Variants in IPO11 observed in about 807,000 individuals in gnomAD.
The protein encoded by IPO11 is importin-11.
Under a neutral mutation model 143.2 loss-of-function variants are expected in IPO11, and 66 were observed. That is an observed-to-expected ratio of 0.46 (90% CI 0.38 to 0.57). The LOEUF (loss-of-function observed/expected upper bound fraction) is 0.57, where lower values mean the gene tolerates loss of function less well. IPO11 is among the 20% of genes least tolerant of loss of function. IPO11 has a pLI of 0.00. For synonymous variants in IPO11, 385 were observed against 377.8 expected (o/e 1.02, Z -0.22); for missense variants, 1,026 against 1,141.0 (o/e 0.90, Z 1.45).
At chr5:62,565,573 A>T (rs1561365212) in intron 27 of IPO11, among the ~76,000 whole-genome samples, 1 of 152,182 alleles carries the variant, frequency 6.6e-6, no homozygotes, top group Non-Finnish European at 1.5e-5. Context: ...ACTCTTCATC[A>T]TTCCCCCACA....
intron 29 of IPO11, 47 bp downstream of exon 29, chr5:62,601,895 A>C (rs747802550): frequency 1.7e-6 from 2 of 1,188,506 alleles, no homozygotes; most frequent in Non-Finnish European, 2.4e-6. Context: ...ATATATTATC[A>C]TTTTCTGTAG....
At chr5:62,468,830 A>G (rs1194545715) in intron 6 of IPO11, among the ~76,000 whole-genome samples, 4 of 152,198 alleles carry the variant, frequency 2.6e-5, no homozygotes, top group African/African-American at 9.7e-5. Flanking sequence ...TTTGTTCTGT[A>G]ACTATACATT....
intron 26 of IPO11, among the ~76,000 whole-genome samples, chr5:62,552,496 G>A (rs1399983056): frequency 6.8e-6 from 1 of 146,976 alleles, no homozygotes; most frequent in Non-Finnish European, 1.5e-5. Flanking sequence ...TTTTAAAGTA[G>A]AGATGAGGTC....
intron 27 of IPO11, among the ~76,000 whole-genome samples, chr5:62,591,003 T>C (rs1426917991): frequency 6.6e-6 from 1 of 152,172 alleles, no homozygotes; most frequent in Non-Finnish European, 1.5e-5. Context: ...TGTGATCATA[T>C]TGCACTGCAG....
chr5:62,600,928 G>T (rs972142023), intron 28 of IPO11, among the ~76,000 whole-genome samples: 5 of 152,212 alleles, frequency 3.3e-5, no homozygotes, highest in Non-Finnish European at 7.3e-5. Context: ...AAGTTTTCTG[G>T]TATCCGCACC....
intron 28 of IPO11, 49 bp from the exon 29 acceptor site, chr5:62,601,715 T>A: frequency 1.0e-6 from 1 of 978,540 alleles, no homozygotes; most frequent in Non-Finnish European, 1.5e-6. Context: ...TTTTTAAGTG[T>A]ATTATAGACA....
At chr5:62,463,784 A>G (rs931316520) in intron 5 of IPO11, among the ~76,000 whole-genome samples, 1 of 151,896 alleles carries the variant, frequency 6.6e-6, no homozygotes, top group African/African-American at 2.4e-5. Context: ...AGCATAGAAG[A>G]TAATATATAC....
At chr5:62,424,123 A>G (rs1357278796) in intron 1 of IPO11, among the ~76,000 whole-genome samples, 2 of 146,072 alleles carry the variant, frequency 1.4e-5, no homozygotes, top group Non-Finnish European at 3.0e-5. Context: ...GGCTCAAGTC[A>G]TCCTCCCACC....
chr5:62,586,168 A>T (rs1744764398), intron 27 of IPO11, among the ~76,000 whole-genome samples: 1 of 152,236 alleles, frequency 6.6e-6, no homozygotes, highest in African/African-American at 2.4e-5. Flanking sequence ...GTAATACATT[A>T]TTATTAGAAA....
chr5:62,469,186 G>A (rs1379345011), intron 6 of IPO11, among the ~76,000 whole-genome samples: 3 of 152,144 alleles, frequency 2.0e-5, no homozygotes, highest in Non-Finnish European at 4.4e-5. Context: ...CAGGTATTGT[G>A]GCTCAAGGTC....
intron 29 of IPO11, among the ~76,000 whole-genome samples, chr5:62,604,283 T>G (rs6897129): frequency 6.6e-6 from 1 of 152,000 alleles, no homozygotes; most frequent in African/African-American, 2.4e-5. Flanking sequence ...ATCTCGGCTC[T>G]CTGCAACCTC....
intron 26 of IPO11, among the ~76,000 whole-genome samples, chr5:62,559,448 A>G (rs74522841): frequency 0.092 from 13,985 of 152,032 alleles, 655 homozygotes; most frequent in South Asian, 0.15. Flanking sequence ...TCACAATTGG[A>G]GTCAATCCTC....
intron 1 of IPO11, among the ~76,000 whole-genome samples, chr5:62,417,185 A>G (rs1412949800): frequency 6.6e-6 from 1 of 150,816 alleles, no homozygotes; most frequent in East Asian, 1.9e-4. Flanking sequence ...CTCAAACTTC[A>G]GGGCTCAAGT....
chr5:62,612,806 C>G (rs1251976169), intron 29 of IPO11, among the ~76,000 whole-genome samples: 2 of 152,176 alleles, frequency 1.3e-5, no homozygotes, highest in East Asian at 3.8e-4. Context: ...AAATGAGAAA[C>G]TACTCTTGAA....
In IPO11 at chr5:62,476,742, T is replaced by C. The variant is rs113619611; in HGVS notation, c.817T>C (p.Phe273Leu). 288 of 1,521,326 alleles carry C rather than the reference T, an allele frequency of 1.9e-4. 5 individuals are homozygous for C. In the African/African-American group the frequency reaches 3.3e-3, roughly 17 times the overall value. 94.2% of individuals were successfully genotyped at this position (1,521,326 alleles called of 1,614,324 possible). ...RDRLEKTIIL[F>L]TKVLLDFLDQ... is the part of the protein sequence containing the mutation. ...TAGACTGGAAAAGACCATCATTCTTTTTACTAAAGTGGTAAGTTTTTTAAA... is the reference window on the plus strand; with the variant it reads ...TAGACTGGAAAAGACCATCATTCTTCTTACTAAAGTGGTAAGTTTTTTAAA... Residue 273 changes from phenylalanine (F) to leucine (L), a missense_variant, in exon 9 of 30, where the codon TTT becomes CTT. Phe to Leu is a conservative substitution (Grantham distance 22). Coordinates refer to ENST00000325324, the MANE Select transcript of IPO11 (RefSeq NM_016338.5).
At chr5:62,546,784 A>G (rs1743213238) in intron 24 of IPO11, among the ~76,000 whole-genome samples, 1 of 152,174 alleles carries the variant, frequency 6.6e-6, no homozygotes, top group Non-Finnish European at 1.5e-5. Context: ...CATTCCATTA[A>G]AAAGAAATGA....
chr5:62,587,279 A>C (rs1744831692), intron 27 of IPO11, among the ~76,000 whole-genome samples: 1 of 152,256 alleles, frequency 6.6e-6, no homozygotes, highest in Non-Finnish European at 1.5e-5. Flanking sequence ...GAATGCAAAA[A>C]AAATTCAACT....
chr5:62,420,416 A>G (rs1365218601), intron 1 of IPO11, among the ~76,000 whole-genome samples: 1 of 152,118 alleles, frequency 6.6e-6, no homozygotes, highest in African/African-American at 2.4e-5. Flanking sequence ...TACAAATGGC[A>G]GTGCAGTAGG....
At chr5:62,446,142 G>C (rs1744709729) in intron 3 of IPO11, among the ~76,000 whole-genome samples, 1 of 152,128 alleles carries the variant, frequency 6.6e-6, no homozygotes, top group African/African-American at 2.4e-5. Context: ...CTTTGAGTAA[G>C]TCATTAAGGT....
Sources: allele counts gnomAD v4.1 joint callset (sites outside exome capture counted in the v4.1 genomes callset), GRCh38; gene constraint gnomAD v4.1.1; transcripts MANE v1.5; gene names NCBI Gene and HGNC (gene_info 2026-07-23, HGNC 2026-07-21).